Variants in SYNE2 observed in about 807,000 individuals in gnomAD.
SYNE2 encodes spectrin repeat containing nuclear envelope protein 2, also known as nesprin-2.
A neutral mutation model predicts 856.3 loss-of-function variants in SYNE2; 431 were observed. The observed-to-expected ratio is 0.50, with a 90% CI of 0.47 to 0.55. The LOEUF (loss-of-function observed/expected upper bound fraction) is 0.55, where lower values mean the gene tolerates loss of function less well. Ranked by LOEUF, SYNE2 falls within the 20% of genes least tolerant of loss-of-function variation. The pLI is 0.00. For missense variants in SYNE2, 8,129 were observed against 8,023.2 expected (o/e 1.01, Z -0.50); for synonymous variants, 2,923 against 2,872.3 (o/e 1.02, Z -0.56).
Position 64,158,613 on chromosome 14 carries a change from C to T in SYNE2, c.15793-12C>T. 1.2e-6 allele frequency: 2 copies of T among 1,613,706 alleles called. No homozygotes were observed. The highest frequency in any genetic ancestry group is 1.7e-6 in the Non-Finnish European group (2 of 1,179,754). ...GATTTTCTAAATCAGTACGTTTCCA[C>T]TTTTTGTCTAGGTCAATCAGCTCAA... On this transcript the variant is annotated splice_polypyrimidine_tract_variant and intron_variant, in intron 85 of 115. Transcript: ENST00000555002.
intron 103 of SYNE2, among the ~76,000 whole-genome samples, chr14:64,210,379 C>G (rs982275223): frequency 6.6e-6 from 1 of 152,206 alleles, no homozygotes; most frequent in African/African-American, 2.4e-5. Context: ...CTTTTTACAA[C>G]TTCTGTAACC....
At chr14:63,862,579 A>G (rs1395554376) in intron 1 of SYNE2, among the ~76,000 whole-genome samples, 1 of 152,128 alleles carries the variant, frequency 6.6e-6, no homozygotes, top group African/African-American at 2.4e-5. Context: ...TTTTATTAAA[A>G]CATTTTATTT....
chr14:63,948,792 A>C (rs76980727), intron 6 of SYNE2, among the ~76,000 whole-genome samples: 3 of 95,904 alleles, frequency 3.1e-5, no homozygotes, highest in Admixed American at 2.2e-4. Flanking sequence ...GTATATATAT[A>C]TATATATATA....
At chr14:63,966,074 G>T (rs1185291921) in intron 10 of SYNE2, among the ~76,000 whole-genome samples, 3 of 152,140 alleles carry the variant, frequency 2.0e-5, no homozygotes, top group Non-Finnish European at 4.4e-5. Context: ...AATGTTTTAA[G>T]TGACATTTAA....
chr14:63,915,758 C>T (rs943777603), intron 2 of SYNE2, among the ~76,000 whole-genome samples: 1 of 152,066 alleles, frequency 6.6e-6, no homozygotes, highest in Non-Finnish European at 1.5e-5. Flanking sequence ...GGTAGGTATC[C>T]TTACTTCGTA....
rs34820571 is a variant in SYNE2 at position 64,220,587 on chromosome 14, G to A, written c.20011G>A (p.Ala6671Thr). Residue 6671 changes from alanine to threonine, a missense_variant, in exon 111 of 116, where the codon GCA (alanine) becomes ACA (threonine). This residue lies in a region of SYNE2 where 5,410 missense variants were observed against 5,284.8 expected (regional missense o/e 1.02). Coordinates refer to ENST00000555002, the MANE Select transcript of SYNE2 (RefSeq NM_182914.3). ...CCTGCTCTGGGAAGCAGCACAGGGC[G>A]CAGTGGACAGCTGGAGAGGGGGCTT... is the stretch of plus-strand genomic sequence containing the variant. ...LSLLWEAAQG[A>T]VDSWRGGLRQ... The A allele has an allele frequency of 4.2e-3, 6,705 of 1,614,166 alleles. 21 individuals are homozygous for A. Among genetic ancestry groups the A allele is most frequent in the Middle Eastern group, 5.4e-3 (33 of 6,062 alleles).
chr14:63,922,143 A>G (rs1284970608), intron 2 of SYNE2, among the ~76,000 whole-genome samples: 1 of 152,106 alleles, frequency 6.6e-6, no homozygotes, highest in African/African-American at 2.4e-5. Context: ...AGTTGGGACT[A>G]TAGCTGTGCG....
chr14:63,802,798 C>T (rs1888196338), intron 1 of SYNE2, among the ~76,000 whole-genome samples: 3 of 152,012 alleles, frequency 2.0e-5, no homozygotes, highest in Admixed American at 1.3e-4. Context: ...AGCTGCAGAC[C>T]TTCGCGGTGA....
At chr14:63,775,437 A>G (rs918916256) in intron 1 of SYNE2, among the ~76,000 whole-genome samples, 1 of 151,294 alleles carries the variant, frequency 6.6e-6, no homozygotes, top group Non-Finnish European at 1.5e-5. Flanking sequence ...CACAGTGCCC[A>G]GCTAATTTTT....
intron 76 of SYNE2, among the ~76,000 whole-genome samples, chr14:64,130,843 C>A (rs1322329199): frequency 6.6e-6 from 1 of 151,222 alleles, no homozygotes; most frequent in Non-Finnish European, 1.5e-5. Context: ...TGAGATCACG[C>A]CCCTGCACTC....
chr14:63,987,184 A>T (rs2096632828), intron 19 of SYNE2, among the ~76,000 whole-genome samples: 1 of 151,868 alleles, frequency 6.6e-6, no homozygotes, highest in African/African-American at 2.4e-5. Context: ...TGAACCCAGG[A>T]GGCGGAGGTT....
chr14:64,022,062 G>T, intron 37 of SYNE2, 34 bp downstream of exon 37: 1 of 1,601,444 alleles, frequency 6.2e-7, no homozygotes, highest in South Asian at 1.1e-5. Flanking sequence ...TTGTTTCTGG[G>T]ACTCTTGAAG....
chr14:63,855,726 A>G (rs1242222835), intron 1 of SYNE2, among the ~76,000 whole-genome samples: 4 of 152,110 alleles, frequency 2.6e-5, no homozygotes, highest in African/African-American at 7.2e-5. Flanking sequence ...GCTATATCAT[A>G]TGTTGCTTGT....
At chr14:64,157,778 G>C (rs1276537808) in intron 85 of SYNE2, among the ~76,000 whole-genome samples, 1 of 152,140 alleles carries the variant, frequency 6.6e-6, no homozygotes, top group Non-Finnish European at 1.5e-5. Context: ...CATCAAAGTG[G>C]ATGTGAAATA....
chr14:64,018,901 C>G (rs2096915160), intron 34 of SYNE2, among the ~76,000 whole-genome samples: 1 of 152,164 alleles, frequency 6.6e-6, no homozygotes, highest in Non-Finnish European at 1.5e-5. Flanking sequence ...TGGAAAGAAT[C>G]AAAGTTATTT....
At chr14:64,047,609 C>T (rs2097195540) in intron 45 of SYNE2, among the ~76,000 whole-genome samples, 1 of 152,184 alleles carries the variant, frequency 6.6e-6, no homozygotes, top group Non-Finnish European at 1.5e-5. Flanking sequence ...CTTGGTGTTA[C>T]CTCCATATGG....
rs749995110 is a variant in SYNE2 at position 64,175,039 on chromosome 14, A to G, written c.17331A>G (p.Lys5777=). The change falls in exon 95 of 116, where the codon AAA becomes AAG. Residue 5777 remains lysine (K), a synonymous_variant. Transcript: ENST00000555002. ...TGCTCACAACTGACCTGAAAACTAA[A>G]GAGTCTGTGGGTAGGAGAATCAGTC... ...KLLLTTDLKT[K]ESVGRRISQL... is the part of the protein sequence containing the mutation. 1.2e-6 allele frequency: 2 copies of G among 1,614,218 alleles called. No homozygotes were observed. The highest frequency in any genetic ancestry group is 8.5e-7 in the Non-Finnish European group (1 of 1,180,028).
At chr14:63,933,153 CAT>C (rs1489506019) in intron 2 of SYNE2, among the ~76,000 whole-genome samples, 1 of 152,168 alleles carries the variant, frequency 6.6e-6, no homozygotes, top group Non-Finnish European at 1.5e-5. Flanking sequence ...AAGGCTTCCT[CAT>C]AGAGTAGAGA....
intron 49 of SYNE2, among the ~76,000 whole-genome samples, chr14:64,061,744 GA>G (rs1301308722): frequency 6.6e-6 from 1 of 152,186 alleles, no homozygotes; most frequent in African/African-American, 2.4e-5. Flanking sequence ...ATATTTTAGA[GA>G]GTGGTCCTTT....
Sources: allele counts gnomAD v4.1 joint callset (sites outside exome capture counted in the v4.1 genomes callset), GRCh38; gene constraint gnomAD v4.1.1; regional missense constraint gnomAD v4.1.1; transcripts MANE v1.5; gene names NCBI Gene and HGNC (gene_info 2026-07-23, HGNC 2026-07-21).